The following CDH4 variants were observed in gnomAD, a reference collection of about 807,000 sequenced individuals.
CDH4 encodes cadherin-4.
CDH4 carries 33 observed loss-of-function variants against 86.0 expected under a neutral mutation model. The ratio of observed to expected loss-of-function variants is 0.38; its 90% CI spans 0.29 to 0.51. The LOEUF is 0.51. Among genes scored for constraint, CDH4 ranks in the 20% least tolerant of loss-of-function variants. The pLI is 0.86. For synonymous variants in CDH4, 555 were observed against 549.4 expected (o/e 1.01, Z -0.14); for missense variants, 1,114 against 1,307.4 (o/e 0.85, Z 2.28).
At chr20:61,742,369 G>A (rs2088352484) in intron 2 of CDH4, among the ~76,000 whole-genome samples, 1 of 152,152 alleles carries the variant, frequency 6.6e-6, no homozygotes, top group African/African-American at 2.4e-5. Flanking sequence ...CCATTGGCTG[G>A]GAAGATATCT....
intron 2 of CDH4, among the ~76,000 whole-genome samples, chr20:61,286,223 G>A (rs559412085): frequency 8.5e-5 from 13 of 152,310 alleles, no homozygotes; most frequent in African/African-American, 2.2e-4. Context: ...CTTTCTTCCC[G>A]GCTTGATTAG....
At chr20:61,618,804 T>C (rs1021720401) in intron 2 of CDH4, among the ~76,000 whole-genome samples, 2 of 152,322 alleles carry the variant, frequency 1.3e-5, no homozygotes, top group African/African-American at 4.8e-5. Context: ...GAGGTTTCTA[T>C]GGCAAGTGGT....
At chr20:61,639,771 C>T (rs2086986105) in intron 2 of CDH4, among the ~76,000 whole-genome samples, 1 of 152,166 alleles carries the variant, frequency 6.6e-6, no homozygotes, top group African/African-American at 2.4e-5. Context: ...GATCTGTGAA[C>T]AGCGTCTTTA....
At chr20:61,634,508 C>T (rs563381229) in intron 2 of CDH4, among the ~76,000 whole-genome samples, 1 of 152,260 alleles carries the variant, frequency 6.6e-6, no homozygotes, top group Admixed American at 6.5e-5. Flanking sequence ...CCAGAGGCTG[C>T]GGGGCAGGAC....
At chr20:61,434,287 A>C (rs1015059669) in intron 2 of CDH4, among the ~76,000 whole-genome samples, 2 of 152,176 alleles carry the variant, frequency 1.3e-5, no homozygotes, top group African/African-American at 4.8e-5. Context: ...AATTTAGCCC[A>C]GCTCTATGAA....
intron 9 of CDH4, among the ~76,000 whole-genome samples, chr20:61,918,510 C>A (rs1002120567): frequency 5.3e-5 from 8 of 152,120 alleles, no homozygotes; most frequent in African/African-American, 1.7e-4. Flanking sequence ...CCAGGGGTGG[C>A]AGAGTCAGGG....
chr20:61,576,151 G>C (rs2086380884), intron 2 of CDH4, among the ~76,000 whole-genome samples: 1 of 152,222 alleles, frequency 6.6e-6, no homozygotes, highest in Non-Finnish European at 1.5e-5. Context: ...CTGGAGCACA[G>C]CTCCTGGTAG....
intron 8 of CDH4, among the ~76,000 whole-genome samples, chr20:61,909,432 C>T (rs2054826252): frequency 2.0e-5 from 3 of 152,232 alleles, no homozygotes; most frequent in Admixed American, 1.3e-4. Flanking sequence ...TCAGCATGAG[C>T]TTGCAAGGTT....
intron 2 of CDH4, among the ~76,000 whole-genome samples, chr20:61,727,048 A>T (rs2088122590): frequency 6.6e-6 from 1 of 151,936 alleles, no homozygotes; most frequent in Non-Finnish European, 1.5e-5. Flanking sequence ...CATCGCTGCT[A>T]TCATCACCAT....
chr20:61,307,622 CTG>C (rs1353946444), intron 2 of CDH4, among the ~76,000 whole-genome samples: 35 of 152,384 alleles, frequency 2.3e-4, no homozygotes, highest in Non-Finnish European at 3.8e-4. Flanking sequence ...AGGCAGGAAT[CTG>C]TAGCTACTGG....
intron 2 of CDH4, among the ~76,000 whole-genome samples, chr20:61,430,888 C>T (rs1217052014): frequency 6.6e-6 from 1 of 152,216 alleles, no homozygotes; most frequent in Non-Finnish European, 1.5e-5. Flanking sequence ...GCCTGTGTGT[C>T]CATTGGTGCC....
chr20:61,631,415 A>G (rs1313360748), intron 2 of CDH4, among the ~76,000 whole-genome samples: 1 of 152,166 alleles, frequency 6.6e-6, no homozygotes, highest in Non-Finnish European at 1.5e-5. Context: ...CGAGGAGGGC[A>G]GATCATCTGA....
chr20:61,396,310 G>A (rs2085016682), intron 2 of CDH4, among the ~76,000 whole-genome samples: 1 of 152,136 alleles, frequency 6.6e-6, no homozygotes, highest in Non-Finnish European at 1.5e-5. Context: ...CGAGGTCGAG[G>A]CCCCTTCCTT....
chr20:61,275,252 T>C (rs1426725477), intron 2 of CDH4, among the ~76,000 whole-genome samples: 2 of 133,468 alleles, frequency 1.5e-5, no homozygotes, highest in East Asian at 4.7e-4. Flanking sequence ...GGGAATACCG[T>C]GTGCAGTTTG....
At position 61,269,178 on chromosome 20, in the gene CDH4, C is replaced by T. The variant is rs1425449902; in HGVS notation, c.169+14241C>T. Among the ~76,000 whole-genome samples the T allele has an allele frequency of 6.6e-6, 1 of 152,172 alleles. No homozygotes were observed. The highest frequency in any genetic ancestry group is 1.5e-5 in the Non-Finnish European group (1 of 68,034). On this transcript the variant is annotated intron_variant, in intron 2 of 15. Coordinates refer to ENST00000614565, the MANE Select transcript of CDH4 (RefSeq NM_001794.5). This position sits in a 1 kb window ranked among gnomAD's most constrained non-coding sequence, Gnocchi z 5.3. ...CCAGCTGGGTTCATCTGCATGACCA[C>T]CCTAGGCAGGAGGCATGTTACTAAC... is the stretch of plus-strand genomic sequence containing the variant.
chr20:61,449,264 G>C (rs2085367804), intron 2 of CDH4, among the ~76,000 whole-genome samples: 1 of 152,234 alleles, frequency 6.6e-6, no homozygotes, highest in Admixed American at 6.5e-5. Context: ...GAGGGACCTT[G>C]AAACCAAGGT....
intron 2 of CDH4, among the ~76,000 whole-genome samples, chr20:61,550,023 TTGTCCTGGCCTCCCTGGCCTCCC>T (rs1240884387): frequency 6.6e-6 from 1 of 151,264 alleles, no homozygotes; most frequent in African/African-American, 2.4e-5. Context: ...CCTGGCCTCC[TTGTCCTGGCCTCCCTGGCCTCCC>T]TGCCCCAACC....
chr20:61,508,088 T>G (rs1833161927), intron 2 of CDH4, among the ~76,000 whole-genome samples: 1 of 152,248 alleles, frequency 6.6e-6, no homozygotes, highest in Admixed American at 6.5e-5. Flanking sequence ...GCATTTTCCC[T>G]TCATGTTGTA....
At chr20:61,383,928 T>C (rs1043422743) in intron 2 of CDH4, among the ~76,000 whole-genome samples, 1 of 151,326 alleles carries the variant, frequency 6.6e-6, no homozygotes, top group Non-Finnish European at 1.5e-5. Flanking sequence ...AATCACGAGG[T>C]CCCACAATAG....
Sources: gnomAD v4.1 joint callset for allele counts (sites outside exome capture counted in the v4.1 genomes callset) on GRCh38, gnomAD v4.1.1 for gene constraint, Gnocchi (gnomAD v3.1) non-coding constraint, MANE v1.5 for transcripts, NCBI Gene and HGNC (gene_info 2026-07-23, HGNC 2026-07-21) for gene names.